Variants in UNC5D observed in about 807,000 individuals in gnomAD.
UNC5D encodes netrin receptor UNC5D.
Under a neutral mutation model 105.4 loss-of-function variants are expected in UNC5D, and 39 were observed. The observed-to-expected ratio is 0.37, with a 90% CI of 0.29 to 0.48. UNC5D has a LOEUF of 0.48. Ranked by LOEUF, UNC5D falls within the 20% of genes least tolerant of loss-of-function variation. UNC5D has a pLI of 0.98. For synonymous variants in UNC5D, 452 were observed against 450.4 expected, an observed-to-expected ratio of 1.00 and a Z score of -0.04; for missense variants, 991 against 1,202.4, an observed-to-expected ratio of 0.82 and a Z score of 2.60.
chr8:35,434,483 A>G (rs936095073), intron 1 of UNC5D, among the ~76,000 whole-genome samples: 5 of 152,112 alleles, frequency 3.3e-5, no homozygotes, highest in Non-Finnish European at 5.9e-5. Context: ...TCACCTGGAA[A>G]TGTACAATAT....
At chr8:35,468,289 C>G (rs368455658) in intron 1 of UNC5D, among the ~76,000 whole-genome samples, 1 of 152,152 alleles carries the variant, frequency 6.6e-6, no homozygotes, top group African/African-American at 2.4e-5. Flanking sequence ...ACAGAGATCA[C>G]TAGCTCTCTT....
chr8:35,424,628 G>A (rs1205981232), intron 1 of UNC5D, among the ~76,000 whole-genome samples: 1 of 152,188 alleles, frequency 6.6e-6, no homozygotes, highest in Admixed American at 6.5e-5. Context: ...CTGGGTGGGA[G>A]GCTTTCACAT....
chr8:35,478,325 C>T (rs113245850), intron 1 of UNC5D, among the ~76,000 whole-genome samples: 2,487 of 152,180 alleles, frequency 0.016, 74 homozygotes, highest in African/African-American at 0.057. Flanking sequence ...AACTAAGCAA[C>T]CTTTAAACTT....
intron 11 of UNC5D, among the ~76,000 whole-genome samples, chr8:35,737,250 C>CTG (rs1491142545): frequency 8.2e-5 from 10 of 122,526 alleles, no homozygotes; most frequent in African/African-American, 2.7e-4. Context: ...GCAAGATCTG[C>CTG]TCTGTGTGTG....
intron 4 of UNC5D, among the ~76,000 whole-genome samples, chr8:35,665,562 A>G (rs1202497557): frequency 1.3e-5 from 2 of 151,318 alleles, no homozygotes; most frequent in East Asian, 3.9e-4. Flanking sequence ...CTCCCATTTC[A>G]TTCTCCAGTT....
Position 35,795,246 on chromosome 8 carries a change from G to A in UNC5D, c.*4683G>A, listed in dbSNP as rs1803211654. On this transcript the variant is annotated 3_prime_UTR_variant, in exon 17 of 17. Transcript: ENST00000404895. ...TAGACTATATTACTAAATTTGGTAA[G>A]GTAGTTCTTTGCATGAATGGGAATG... The A allele has an allele frequency of 6.6e-6, 1 of 152,084 alleles. No homozygotes were observed. The highest frequency in any genetic ancestry group is 2.1e-4 in the South Asian group (1 of 4,824). 9.4% of individuals were successfully genotyped at this position (152,084 alleles called of 1,614,324 possible).
intron 1 of UNC5D, among the ~76,000 whole-genome samples, chr8:35,332,063 G>T (rs778379078): frequency 1.3e-5 from 2 of 152,120 alleles, no homozygotes; most frequent in Non-Finnish European, 2.9e-5. Flanking sequence ...CTAATATAAA[G>T]ATGCCTTACA....
intron 4 of UNC5D, among the ~76,000 whole-genome samples, chr8:35,665,304 C>G (rs1225178945): frequency 6.6e-6 from 1 of 152,182 alleles, no homozygotes; most frequent in Non-Finnish European, 1.5e-5. Context: ...CACTGTCTGC[C>G]TTGCTGTCAG....
intron 4 of UNC5D, among the ~76,000 whole-genome samples, chr8:35,656,499 T>TAAAC (rs954123111): frequency 6.6e-6 from 1 of 152,228 alleles, no homozygotes; most frequent in Non-Finnish European, 1.5e-5. Context: ...CATTAAGAGT[T>TAAAC]AAACACTTCA....
At chr8:35,284,195 A>G (rs912760742) in intron 1 of UNC5D, among the ~76,000 whole-genome samples, 1 of 152,220 alleles carries the variant, frequency 6.6e-6, no homozygotes, top group Non-Finnish European at 1.5e-5. Context: ...TTTAAAAATT[A>G]TGCATATGAA....
At chr8:35,564,155 T>G (rs996357915) in intron 2 of UNC5D, among the ~76,000 whole-genome samples, 4 of 152,060 alleles carry the variant, frequency 2.6e-5, no homozygotes, top group Non-Finnish European at 4.4e-5. Flanking sequence ...TCTTCAATTT[T>G]TTTTTTAATT....
At chr8:35,361,912 T>A (rs1292213966) in intron 1 of UNC5D, among the ~76,000 whole-genome samples, 1 of 152,146 alleles carries the variant, frequency 6.6e-6, no homozygotes, top group African/African-American at 2.4e-5. Context: ...TATTCAAAGG[T>A]ACACATCTTT....
At chr8:35,728,095 A>AAAAAAAAAAAATAT (rs34672872) in intron 10 of UNC5D, among the ~76,000 whole-genome samples, 1 of 110,364 alleles carries the variant, frequency 9.1e-6, no homozygotes, top group East Asian at 2.7e-4. Flanking sequence ...AAAAAAAAAA[A>AAAAAAAAAAAATAT]ATATATATAT....
At chr8:35,493,696 T>A (rs958800335) in intron 1 of UNC5D, among the ~76,000 whole-genome samples, 5 of 152,158 alleles carry the variant, frequency 3.3e-5, no homozygotes, top group Admixed American at 3.3e-4. Context: ...TATTTGGGAC[T>A]TTTCAAATTA....
At chr8:35,551,895 A>C (rs1816177468) in intron 2 of UNC5D, among the ~76,000 whole-genome samples, 1 of 152,130 alleles carries the variant, frequency 6.6e-6, no homozygotes, top group Admixed American at 6.5e-5. Flanking sequence ...AAAAGGAAAA[A>C]GTTGTCTCAA....
In UNC5D at chr8:35,455,128, C is replaced by T. The variant is rs188551266; in HGVS notation, c.104-94164C>T. On this transcript the variant is annotated intron_variant, in intron 1 of 16. Coordinates refer to ENST00000404895, the MANE Select transcript of UNC5D (RefSeq NM_080872.4). ...TACAAACAGAAGATATCGTGTCATC[C>T]ATCAACCTGTCTGTCATCTGTCTTT... 2.0e-5 allele frequency among the ~76,000 whole-genome samples: 3 copies of T among 152,172 alleles called. No homozygotes were observed. The East Asian group carries it at 5.8e-4, about 29-fold the overall frequency.
intron 4 of UNC5D, among the ~76,000 whole-genome samples, chr8:35,606,813 C>G (rs191411112): frequency 9.8e-5 from 15 of 152,368 alleles, no homozygotes; most frequent in African/African-American, 3.4e-4. Context: ...GCCACCCACA[C>G]TGAAGCATCT....
At chr8:35,651,947 T>C (rs1447164210) in intron 4 of UNC5D, among the ~76,000 whole-genome samples, 1 of 152,204 alleles carries the variant, frequency 6.6e-6, no homozygotes, top group East Asian at 1.9e-4. Context: ...TATGTACAAA[T>C]GGTGCTTATC....
chr8:35,420,639 T>G (rs959279582), intron 1 of UNC5D, among the ~76,000 whole-genome samples: 4 of 152,174 alleles, frequency 2.6e-5, no homozygotes, highest in African/African-American at 9.6e-5. Flanking sequence ...CAGATGTGCC[T>G]CCTACTCTCC....
Sources: gnomAD v4.1 joint callset for allele counts (sites outside exome capture counted in the v4.1 genomes callset) on GRCh38, gnomAD v4.1.1 for gene constraint, MANE v1.5 for transcripts, NCBI Gene and HGNC (gene_info 2026-07-23, HGNC 2026-07-21) for gene names.